LRRC63: variants seen among roughly 807,000 people sequenced by gnomAD.
LRRC63 encodes leucine-rich repeat-containing protein 63.
Under a neutral mutation model 49.5 loss-of-function variants are expected in LRRC63, and 40 were observed. That is an observed-to-expected ratio of 0.81 (90% CI 0.63 to 1.05). The LOEUF is 1.05. Ranked by LOEUF, LRRC63 falls within the 50% of genes least tolerant of loss-of-function variation. The pLI is 0.00. For synonymous variants in LRRC63, 191 were observed against 221.1 expected, an observed-to-expected ratio of 0.86 and a Z score of 1.21; for missense variants, 636 against 663.1, an observed-to-expected ratio of 0.96 and a Z score of 0.45.
chr13:46,270,492 C>T (rs17067933), intron 9 of LRRC63: 74 of 783,516 alleles, frequency 9.4e-5, no homozygotes, highest in Non-Finnish European at 1.5e-4. Context: ...AAAGCCATCA[C>T]TGAAGGCTAC....
intron 2 of LRRC63, among the ~76,000 whole-genome samples, chr13:46,221,344 G>A (rs1296909855): frequency 1.3e-5 from 2 of 152,164 alleles, no homozygotes; most frequent in Admixed American, 6.5e-5. Flanking sequence ...TTGGTTGTCA[G>A]AAATAATTGC....
intron 9 of LRRC63, among the ~76,000 whole-genome samples, chr13:46,274,645 T>G (rs1328968539): frequency 1.3e-5 from 2 of 152,244 alleles, no homozygotes; most frequent in African/African-American, 4.8e-5. Flanking sequence ...AGAAGACTCA[T>G]GTTCCACAGA....
chr13:46,276,338 C>G (rs1290631916), intron 9 of LRRC63, among the ~76,000 whole-genome samples: 1 of 151,884 alleles, frequency 6.6e-6, no homozygotes, highest in Admixed American at 6.6e-5. Context: ...AATTTGGGAT[C>G]TATCATTAGA....
chr13:46,227,081 A>G (rs2046598711), intron 2 of LRRC63, among the ~76,000 whole-genome samples: 1 of 152,248 alleles, frequency 6.6e-6, no homozygotes. Flanking sequence ...GACATCTGGC[A>G]TTTAAAAGAA....
At chr13:46,270,180 A>C in intron 9 of LRRC63, 1 of 762,100 alleles carries the variant, frequency 1.3e-6, no homozygotes, top group Non-Finnish European at 2.4e-6. Flanking sequence ...TCTTGTAAGG[A>C]CCACTGTATA....
intron 7 of LRRC63, among the ~76,000 whole-genome samples, chr13:46,253,085 T>C (rs1299350344): frequency 2.0e-5 from 3 of 151,774 alleles, no homozygotes; most frequent in African/African-American, 7.3e-5. Context: ...AAGCAAGAGA[T>C]GAAGAGAACT....
intron 5 of LRRC63, among the ~76,000 whole-genome samples, chr13:46,237,700 G>A (rs894678006): frequency 2.0e-5 from 3 of 152,016 alleles, no homozygotes; most frequent in African/African-American, 7.2e-5. Flanking sequence ...CAAATCATTA[G>A]CTAGACTAAG....
intron 4 of LRRC63, among the ~76,000 whole-genome samples, chr13:46,233,831 T>C (rs1372448562): frequency 6.6e-6 from 1 of 152,246 alleles, no homozygotes; most frequent in Non-Finnish European, 1.5e-5. Flanking sequence ...TTATTAATTT[T>C]ATGAGCCAAG....
chr13:46,218,146 T>G (rs1213621573), intron 2 of LRRC63, among the ~76,000 whole-genome samples: 1 of 152,222 alleles, frequency 6.6e-6, no homozygotes, highest in African/African-American at 2.4e-5. Flanking sequence ...GTTCAACTCC[T>G]GAATATCCTT....
Position 46,276,653 on chromosome 13 carries a change from CTG to C in LRRC63, c.1617_1618del (p.Cys539Ter). 1 of 1,231,274 alleles carries C rather than the reference CTG, an allele frequency of 8.1e-7. No individual in the cohort carries two copies. The highest frequency in any genetic ancestry group is 1.0e-6 in the Non-Finnish European group (1 of 987,608). The allele number at this position is 1,231,274 out of a possible 1,614,324, so 76.3% of individuals were successfully genotyped here. ...GTGAAGGTTTTCGTGTCATCCGATC[CTG>C]TGATATTTTTGGAGCATCACAGCTT... On this transcript the variant is annotated frameshift_variant, in exon 10 of 10. Transcript: ENST00000595396. LOFTEE classifies it low-confidence loss of function (END_TRUNC).
intron 9 of LRRC63, among the ~76,000 whole-genome samples, chr13:46,269,801 A>T (rs1000420417): frequency 1.4e-5 from 2 of 147,716 alleles, no homozygotes; most frequent in African/African-American, 2.5e-5. Context: ...TATATATATT[A>T]TATATATATA....
chr13:46,275,211 C>T (rs1293708951), intron 9 of LRRC63, among the ~76,000 whole-genome samples: 1 of 152,082 alleles, frequency 6.6e-6, no homozygotes, highest in East Asian at 1.9e-4. Flanking sequence ...TTTCTTTATC[C>T]ATTCATCTGT....
intron 2 of LRRC63, among the ~76,000 whole-genome samples, chr13:46,225,928 G>A (rs1405979692): frequency 3.3e-5 from 5 of 151,996 alleles, no homozygotes; most frequent in African/African-American, 1.2e-4. Context: ...GGAAGGAGGG[G>A]CCTGATCAGT....
chr13:46,217,024 G>A (rs576837544), intron 2 of LRRC63, among the ~76,000 whole-genome samples: 20 of 152,246 alleles, frequency 1.3e-4, no homozygotes, highest in African/African-American at 4.6e-4. Context: ...ATTTTATTGA[G>A]GATTTTCACA....
intron 2 of LRRC63, among the ~76,000 whole-genome samples, chr13:46,225,348 A>C (rs2046539478): frequency 6.6e-6 from 1 of 152,234 alleles, no homozygotes; most frequent in Non-Finnish European, 1.5e-5. Context: ...GTCACTACTT[A>C]GAGCCTCAGT....
chr13:46,250,112 G>C (rs1448111201), intron 6 of LRRC63: 1 of 243,364 alleles, frequency 4.1e-6, no homozygotes, highest in African/African-American at 2.2e-5. Flanking sequence ...ACTTAGGAAA[G>C]CACCATTCTT....
intron 2 of LRRC63, among the ~76,000 whole-genome samples, chr13:46,213,411 C>T (rs1484435148): frequency 6.6e-6 from 1 of 152,220 alleles, no homozygotes; most frequent in Non-Finnish European, 1.5e-5. Flanking sequence ...AAATGAGTCA[C>T]CCAACACACA....
At chr13:46,239,426 G>A (rs1223205073) in intron 5 of LRRC63, among the ~76,000 whole-genome samples, 1 of 152,040 alleles carries the variant, frequency 6.6e-6, no homozygotes, top group Non-Finnish European at 1.5e-5. Context: ...ATCCTCCCAA[G>A]ACTGAACCAG....
At chr13:46,263,704 A>G (rs1360207248) in intron 8 of LRRC63, among the ~76,000 whole-genome samples, 1 of 152,178 alleles carries the variant, frequency 6.6e-6, no homozygotes, top group Non-Finnish European at 1.5e-5. Context: ...GAAATAGTTT[A>G]GAAACTTTTG....
Sources: gnomAD v4.1 joint callset for allele counts (sites outside exome capture counted in the v4.1 genomes callset) on GRCh38, gnomAD v4.1.1 for gene constraint, MANE v1.5 for transcripts, NCBI Gene and HGNC (gene_info 2026-07-23, HGNC 2026-07-21) for gene names.